The following CAMK1G variants were observed in gnomAD, a reference collection of about 807,000 sequenced individuals.
The protein encoded by CAMK1G is calcium/calmodulin-dependent protein kinase type 1G.
A neutral mutation model predicts 54.8 loss-of-function variants in CAMK1G; 27 were observed. The ratio of observed to expected loss-of-function variants is 0.49; its 90% CI spans 0.36 to 0.68. The LOEUF (loss-of-function observed/expected upper bound fraction) is 0.68. Among genes scored for constraint, CAMK1G ranks in the 30% least tolerant of loss-of-function variants. The probability of loss-of-function intolerance (pLI) is 0.00; values close to 1 mark genes in which losing one functional copy is unlikely to be tolerated. For missense variants in CAMK1G, 512 were observed against 591.0 expected, an observed-to-expected ratio of 0.87 and a Z score of 1.39; for synonymous variants, 238 against 224.9, an observed-to-expected ratio of 1.06 and a Z score of -0.52.
intron 1 of CAMK1G, among the ~76,000 whole-genome samples, chr1:209,590,836 G>T (rs1472091400): frequency 3.9e-5 from 6 of 152,150 alleles, no homozygotes; most frequent in Admixed American, 1.3e-4. Context: ...CAGCAGCAGT[G>T]TATCCGCACA....
chr1:209,608,608 G>A (rs975027953), intron 7 of CAMK1G, among the ~76,000 whole-genome samples: 2 of 152,212 alleles, frequency 1.3e-5, no homozygotes, highest in Non-Finnish European at 2.9e-5. Flanking sequence ...GAATCCCGCA[G>A]TGAACAACAC....
intron 7 of CAMK1G, 87 bp downstream of exon 7, chr1:209,608,020 C>A: frequency 9.9e-7 from 1 of 1,007,642 alleles, no homozygotes; most frequent in Non-Finnish European, 1.5e-6. Context: ...CTCAGCTCCT[C>A]CTCCAAGCAC....
chr1:209,606,830 C>T (rs1055232813), intron 6 of CAMK1G, among the ~76,000 whole-genome samples: 3 of 152,158 alleles, frequency 2.0e-5, no homozygotes, highest in Admixed American at 6.5e-5. Context: ...CTGAAGGAGA[C>T]ATTAGCCCCC....
At chr1:209,589,063 G>T (rs529332858) in intron 1 of CAMK1G, among the ~76,000 whole-genome samples, 4 of 152,294 alleles carry the variant, frequency 2.6e-5, no homozygotes, top group African/African-American at 9.6e-5. Context: ...AGCCCCAAGG[G>T]AGGCAACAAG....
intron 3 of CAMK1G, among the ~76,000 whole-genome samples, chr1:209,602,930 T>C (rs1354812914): frequency 6.6e-6 from 1 of 152,222 alleles, no homozygotes; most frequent in Admixed American, 6.5e-5. Flanking sequence ...CTGTCTCTTT[T>C]AGTAAAGTTT....
intron 1 of CAMK1G, among the ~76,000 whole-genome samples, chr1:209,587,345 TA>T (rs1175982129): frequency 2.6e-5 from 4 of 152,132 alleles, no homozygotes; most frequent in Non-Finnish European, 4.4e-5. Flanking sequence ...AGAGATGGCC[TA>T]GTCTACATTT....
rs142610896 is a variant in CAMK1G, at chr1:209,611,887, G to T, written c.1011G>T (p.Pro337=). ...TCCGCCCAGAGGTGGAGAACAGGCCGCCTGAAACTCAAGCCTCAGAAACCT... is the reference window on the plus strand; with the variant it reads ...TCCGCCCAGAGGTGGAGAACAGGCCTCCTGAAACTCAAGCCTCAGAAACCT... ...PGVRPEVENR[P]PETQASETSR... Residue 337 remains proline, a synonymous_variant, in exon 11 of 13, where the codon CCG becomes CCT. Transcript: ENST00000361322. The T allele has an allele frequency of 1.3e-5, 21 of 1,614,240 alleles. No individual in the cohort carries two copies. Among genetic ancestry groups the T allele is most frequent in the Middle Eastern group, 3.3e-4 (2 of 6,062 alleles).
intron 7 of CAMK1G, among the ~76,000 whole-genome samples, chr1:209,608,191 C>A (rs1331302564): frequency 1.3e-5 from 2 of 152,202 alleles, no homozygotes; most frequent in African/African-American, 4.8e-5. Flanking sequence ...AGCCACCTGG[C>A]ACTCCCTCCT....
intron 7 of CAMK1G, among the ~76,000 whole-genome samples, chr1:209,608,541 C>A (rs1225214975): frequency 6.6e-6 from 1 of 152,200 alleles, no homozygotes; most frequent in Non-Finnish European, 1.5e-5. Flanking sequence ...CATTTATTTA[C>A]CCAACCAATA....
chr1:209,600,755 T>C (rs1378132071), intron 3 of CAMK1G, among the ~76,000 whole-genome samples: 7 of 152,266 alleles, frequency 4.6e-5, no homozygotes, highest in Admixed American at 2.0e-4. Context: ...AAGATTCATT[T>C]TGCCTATGCA....
intron 1 of CAMK1G, among the ~76,000 whole-genome samples, chr1:209,588,774 G>A (rs571195781): frequency 6.6e-6 from 1 of 152,290 alleles, no homozygotes; most frequent in East Asian, 1.9e-4. Context: ...AAGGAGGAAG[G>A]ACAGAGAAGC....
chr1:209,611,787 C>G lies in CAMK1G; in HGVS notation c.916-5C>G, dbSNP rs775704789. On this transcript the variant is annotated splice_region_variant and splice_polypyrimidine_tract_variant and intron_variant, in intron 10 of 12. Transcript: ENST00000361322. ...AGGCCAGAGGCTGCTCTTGTGTCTC[C>G]TTAGCAAGCCTTCAACGCAGCAGCT... The G allele has an allele frequency of 6.2e-7, 1 of 1,612,814 alleles. No homozygotes were observed. The highest frequency in any genetic ancestry group is 1.1e-5 in the South Asian group (1 of 91,048).
intron 1 of CAMK1G, among the ~76,000 whole-genome samples, chr1:209,589,221 C>T (rs898292591): frequency 1.8e-4 from 28 of 152,162 alleles, no homozygotes; most frequent in African/African-American, 6.5e-4. Context: ...TGTGGGTAGA[C>T]GGACTCTAGG....
At chr1:209,589,006 A>G (rs1202401561) in intron 1 of CAMK1G, among the ~76,000 whole-genome samples, 3 of 152,176 alleles carry the variant, frequency 2.0e-5, no homozygotes, top group African/African-American at 7.2e-5. Context: ...CAGGAAGTTC[A>G]TCCAAAAAAT....
rs534850836 is a variant in CAMK1G at position 209,613,219 on chromosome 1, G to T, written c.*217G>T. ...GGGAGCCCCAAGGCGTAGAAGCCTT[G>T]TTGAAGCTGTGAGCAGGAGAAGCGG... On this transcript the variant is annotated 3_prime_UTR_variant, in exon 13 of 13. Transcript: ENST00000361322. The T allele has an allele frequency of 1.1e-5, 3 of 263,062 alleles. No individual in the cohort carries two copies. The East Asian group carries it at 2.5e-4, about 22-fold the overall frequency. 16.3% of individuals were successfully genotyped at this position (263,062 alleles called of 1,614,324 possible).
intron 9 of CAMK1G, among the ~76,000 whole-genome samples, chr1:209,610,164 G>A (rs576435401): frequency 2.6e-5 from 4 of 152,280 alleles, no homozygotes; most frequent in South Asian, 4.1e-4. Flanking sequence ...CAGGAGGCAG[G>A]TGCAGCCGAG....
rs1353327525 is a variant in CAMK1G at position 209,599,884 on chromosome 1, A to T, written c.93-99A>T. The T allele has an allele frequency of 3.6e-6, 5 of 1,402,674 alleles. No homozygotes were observed. The African/African-American group carries it at 4.3e-5, about 12-fold the overall frequency. The allele number at this position is 1,402,674 out of a possible 1,614,324, so 86.9% of individuals were successfully genotyped here. ...CAGTATATGCCTTTGTGGTCAGAGG[A>T]CTATATAGACTCTGTTACGTCCTTT... On this transcript the variant is annotated intron_variant, in intron 2 of 12. Coordinates refer to ENST00000361322, the MANE Select transcript of CAMK1G (RefSeq NM_020439.3).
At chr1:209,593,121 T>G (rs1558135855) in intron 1 of CAMK1G, among the ~76,000 whole-genome samples, 1 of 152,244 alleles carries the variant, frequency 6.6e-6, no homozygotes, top group Non-Finnish European at 1.5e-5. Flanking sequence ...GGAAATAGAT[T>G]CAAAGAGGTT....
At position 209,611,816 on chromosome 1, in the gene CAMK1G, G is replaced by A; in HGVS notation, c.940G>A (p.Val314Met). The change falls in exon 11 of 13, where the codon GTG (valine) becomes ATG (methionine). Residue 314 changes from valine to methionine, a missense_variant. By Grantham distance (21) the Val-to-Met change is conservative (BLOSUM62 1). Around this residue, in one of 3 missense-constraint regions of CAMK1G, gnomAD observed 315 missense variants for 330.5 expected, o/e 0.95. Transcript: ENST00000361322. ...WRQAFNAAAV[V>M]HHMRKLHMNL... The stretch of plus-strand genomic sequence containing the variant: ...GCAAGCCTTCAACGCAGCAGCTGTG[G>A]TGCACCACATGAGGAAGCTACACAT... 3 of 1,614,086 alleles carry A rather than the reference G, an allele frequency of 1.9e-6. No homozygotes were observed. Among genetic ancestry groups the A allele is most frequent in the Non-Finnish European group, 2.5e-6 (3 of 1,180,036 alleles).
Sources: allele counts gnomAD v4.1 joint callset (sites outside exome capture counted in the v4.1 genomes callset), GRCh38; gene constraint gnomAD v4.1.1; regional missense constraint gnomAD v4.1.1; transcripts MANE v1.5; gene names NCBI Gene and HGNC (gene_info 2026-07-23, HGNC 2026-07-21).